Variants in LRRC7 observed in about 807,000 individuals in gnomAD.
LRRC7 encodes leucine rich repeat containing 7, also known as leucine-rich repeat-containing protein 7.
In LRRC7, 23 loss-of-function variants were observed where a neutral mutation model predicts 175.7. The ratio of observed to expected loss-of-function variants is 0.13; its 90% CI spans 0.09 to 0.19. The LOEUF is 0.19. Ranked by LOEUF, LRRC7 falls within the 10% of genes least tolerant of loss-of-function variation. The pLI is 1.00. For synonymous variants in LRRC7, 685 were observed against 680.9 expected (o/e 1.01, Z -0.09); for missense variants, 1,354 against 1,904.7 (o/e 0.71, Z 5.38).
intron 11 of LRRC7, among the ~76,000 whole-genome samples, chr1:70,007,839 A>G (rs1656125688): frequency 6.6e-6 from 1 of 152,126 alleles, no homozygotes; most frequent in Non-Finnish European, 1.5e-5. Flanking sequence ...TCATTTATGT[A>G]TATAAGTTTG....
chr1:70,141,095 C>T lies in LRRC7; in HGVS notation c.*19208C>T, dbSNP rs757631120. On this transcript the variant is annotated 3_prime_UTR_variant, in exon 27 of 27. Transcript: ENST00000651989. Reference sequence around the variant, plus strand: ...GGCACAGGAGGAGAGGCCAAGGAGTCATCCCAGAGTTCTAAGCTCATAAAG... The same window carrying T: ...GGCACAGGAGGAGAGGCCAAGGAGTTATCCCAGAGTTCTAAGCTCATAAAG... 2.6e-5 allele frequency among the ~76,000 whole-genome samples: 4 copies of T among 152,032 alleles called. No homozygotes were observed. Among genetic ancestry groups the T allele is most frequent in the Non-Finnish European group, 4.4e-5 (3 of 67,972 alleles).
chr1:69,883,048 A>C (rs1381920991), intron 7 of LRRC7, among the ~76,000 whole-genome samples: 1 of 151,954 alleles, frequency 6.6e-6, no homozygotes, highest in African/African-American at 2.4e-5. Context: ...AGTCTTTGCT[A>C]TTGTGAATAA....
chr1:69,875,439 C>T (rs973252795), intron 7 of LRRC7, among the ~76,000 whole-genome samples: 9 of 151,812 alleles, frequency 5.9e-5, no homozygotes, highest in African/African-American at 1.9e-4. Context: ...GTTATCAAAG[C>T]TAAAGTTCTT....
intron 1 of LRRC7, among the ~76,000 whole-genome samples, chr1:69,596,024 A>C (rs561612518): frequency 2.5e-4 from 30 of 120,888 alleles, no homozygotes; most frequent in African/African-American, 7.6e-4. Flanking sequence ...TTTTAAGTGA[A>C]TCTTTTATGC....
intron 7 of LRRC7, among the ~76,000 whole-genome samples, chr1:69,916,181 T>TATTATATACATATTTTATATATA (rs1471354328): frequency 7.1e-6 from 1 of 141,560 alleles, no homozygotes; most frequent in African/African-American, 2.6e-5. Context: ...ATAATATATA[T>TATTATATACATATTTTATATATA]TACATACATA....
At chr1:69,853,519 C>T (rs1029736015) in intron 7 of LRRC7, among the ~76,000 whole-genome samples, 15 of 151,932 alleles carry the variant, frequency 9.9e-5, no homozygotes, top group East Asian at 1.9e-4. Context: ...CCTTGTGATC[C>T]GCCCACCTTG....
intron 7 of LRRC7, among the ~76,000 whole-genome samples, chr1:69,845,045 T>G (rs913621942): frequency 1.3e-5 from 2 of 151,480 alleles, no homozygotes; most frequent in Admixed American, 6.6e-5. Flanking sequence ...AGCCCAGGAG[T>G]TTGAGACCAG....
At chr1:69,694,144 C>T (rs1213700299) in intron 2 of LRRC7, among the ~76,000 whole-genome samples, 17 of 152,158 alleles carry the variant, frequency 1.1e-4, no homozygotes, top group Admixed American at 1.1e-3. Context: ...TTTCCAAGGC[C>T]TCTTGTAACT....
Position 70,130,530 on chromosome 1 carries a change from T to C in LRRC7, c.*8643T>C, listed in dbSNP as rs7536938. Among the ~76,000 whole-genome samples the C allele has an allele frequency of 2.6e-3, 393 of 152,326 alleles. 1 individual carries two copies. The highest frequency in any genetic ancestry group is 9.1e-3 in the African/African-American group (379 of 41,566). ...ATCAGTCTTCCTCCTCTCTTCAGCA[T>C]TTTTTCTAAGACATTTTTGGTCTTT... is the stretch of plus-strand genomic sequence containing the variant. On this transcript the variant is annotated 3_prime_UTR_variant, in exon 27 of 27. Coordinates refer to ENST00000651989, the MANE Select transcript of LRRC7 (RefSeq NM_001370785.2).
At chr1:70,105,862 TAAG>T (rs1336288142) in intron 25 of LRRC7, among the ~76,000 whole-genome samples, 2 of 152,114 alleles carry the variant, frequency 1.3e-5, no homozygotes, top group East Asian at 1.9e-4. Flanking sequence ...CATCTCTAAA[TAAG>T]AAGGAAAACA....
At chr1:69,733,509 T>C (rs1667797519) in intron 2 of LRRC7, among the ~76,000 whole-genome samples, 1 of 152,086 alleles carries the variant, frequency 6.6e-6, no homozygotes, top group Admixed American at 6.6e-5. Context: ...ATTAACTGAG[T>C]ACCTGATTCA....
chr1:69,681,159 A>T (rs1660438806), intron 2 of LRRC7, among the ~76,000 whole-genome samples: 1 of 152,132 alleles, frequency 6.6e-6, no homozygotes, highest in African/African-American at 2.4e-5. Context: ...ATGGTCATTC[A>T]TGTTTGATAT....
At position 69,983,933 on chromosome 1, in the gene LRRC7, C is replaced by CT. The variant is rs757776931; in HGVS notation, c.787-2298dup. On this transcript the variant is annotated intron_variant, in intron 9 of 26. Coordinates refer to ENST00000651989, the MANE Select transcript of LRRC7 (RefSeq NM_001370785.2). ...GATCTGGGGTGGGTCTGACATTATA[C>CT]TTTTTTTTTTTGGATGGAGTCTCGC... Among the ~76,000 whole-genome samples, 964 of 147,258 alleles carry CT rather than the reference C, an allele frequency of 6.5e-3. 1 individual carries two copies. Among genetic ancestry groups the CT allele is most frequent in the Non-Finnish European group, 8.8e-3 (584 of 66,340 alleles).
Position 70,132,050 on chromosome 1 carries a change from G to A in LRRC7, c.*10163G>A, listed in dbSNP as rs1160639039. The stretch of plus-strand genomic sequence containing the variant: ...AGAAAGAATGAGAAAGACAAAAGAA[G>A]GGCAATAGAGGACTGATACAGAGAA... On this transcript the variant is annotated 3_prime_UTR_variant, in exon 27 of 27. Coordinates refer to ENST00000651989, the MANE Select transcript of LRRC7 (RefSeq NM_001370785.2). Among the ~76,000 whole-genome samples, 1 of 152,086 alleles carries A rather than the reference G, an allele frequency of 6.6e-6. No individual in the cohort carries two copies. The highest frequency in any genetic ancestry group is 1.9e-4 in the East Asian group (1 of 5,196).
At chr1:69,768,072 C>G (rs1055448021) in intron 3 of LRRC7, among the ~76,000 whole-genome samples, 6 of 152,154 alleles carry the variant, frequency 3.9e-5, no homozygotes, top group Non-Finnish European at 8.8e-5. Flanking sequence ...CAATATAAAG[C>G]AGTCAGGGAT....
At chr1:70,112,986 A>G (rs1665620221) in intron 26 of LRRC7, among the ~76,000 whole-genome samples, 2 of 152,136 alleles carry the variant, frequency 1.3e-5, no homozygotes, top group East Asian at 1.9e-4. Flanking sequence ...TAAGTTTTTC[A>G]TGGACTGGGA....
chr1:69,724,657 T>C (rs1666743991), intron 2 of LRRC7, among the ~76,000 whole-genome samples: 1 of 152,160 alleles, frequency 6.6e-6, no homozygotes, highest in African/African-American at 2.4e-5. Flanking sequence ...CTAATGTTTA[T>C]TGGGCATCTG....
At chr1:69,839,774 T>C (rs1398434382) in intron 7 of LRRC7, among the ~76,000 whole-genome samples, 1 of 152,088 alleles carries the variant, frequency 6.6e-6, no homozygotes, top group Non-Finnish European at 1.5e-5. Context: ...TGACATAGGT[T>C]GTTAGGTTTT....
At chr1:69,950,758 G>A (rs771106853) in intron 8 of LRRC7, among the ~76,000 whole-genome samples, 5 of 151,938 alleles carry the variant, frequency 3.3e-5, no homozygotes, top group Admixed American at 2.0e-4. Flanking sequence ...TGGAAACAGA[G>A]GAGGAAAAGA....
Sources: allele counts gnomAD v4.1 joint callset (sites outside exome capture counted in the v4.1 genomes callset), GRCh38; gene constraint gnomAD v4.1.1; transcripts MANE v1.5; gene names NCBI Gene and HGNC (gene_info 2026-07-23, HGNC 2026-07-21).